Variants in SLC66A2 observed in about 807,000 individuals in gnomAD.
SLC66A2 encodes PQ loop repeat containing 1.
SLC66A2 carries 23 observed loss-of-function variants against 25.5 expected under a neutral mutation model. That is an observed-to-expected ratio of 0.90 (90% CI 0.65 to 1.28). The LOEUF is 1.28. Among genes scored for constraint, SLC66A2 ranks in the 50% most tolerant of loss-of-function variants. The pLI is 0.00. For synonymous variants in SLC66A2, 193 were observed against 166.5 expected (o/e 1.16, Z -1.23); for missense variants, 396 against 373.1 (o/e 1.06, Z -0.51).
chr18:79,919,218 G>C lies in SLC66A2; in HGVS notation c.574C>G (p.Arg192Gly). The change falls in exon 5 of 6, where the codon CGC becomes GGC. Residue 192 changes from arginine to glycine, a missense_variant. Transcript: ENST00000397778. ...EAMLGVPQLY[R>G]NHRHQSTEGM... ...TCCGTGGACTGGTGGCGGTGGTTGC[G>C]GTAAAGCTGGGGCACACCCAGCATG... 6.2e-7 allele frequency: 1 copy of C among 1,613,096 alleles called. No homozygotes were observed. Among genetic ancestry groups the C allele is most frequent in the Non-Finnish European group, 8.5e-7 (1 of 1,180,006 alleles).
Position 79,919,382 on chromosome 18 carries a change from A to G in SLC66A2, c.410T>C (p.Phe137Ser). Residue 137 changes from phenylalanine to serine, a missense_variant, in exon 5 of 6, where the codon TTC becomes TCC. Phe to Ser is a radical substitution (Grantham distance 155). Transcript: ENST00000397778. ...RSFLDFDPHH[F>S]WQWSSFSDYV... ...GTCCGAGAAGCTGCTCCACTGCCAGAAGTGGTGGGGGTCGAAGTCTAGGGC... is the reference window on the plus strand; with the variant it reads ...GTCCGAGAAGCTGCTCCACTGCCAGGAGTGGTGGGGGTCGAAGTCTAGGGC... 6.2e-7 allele frequency: 1 copy of G among 1,613,092 alleles called. No individual in the cohort carries two copies. Among genetic ancestry groups the G allele is most frequent in the Non-Finnish European group, 8.5e-7 (1 of 1,179,988 alleles).
chr18:79,948,994 A>G (rs1196514134), intron 2 of SLC66A2, among the ~76,000 whole-genome samples: 1 of 152,156 alleles, frequency 6.6e-6, no homozygotes, highest in East Asian at 1.9e-4. Flanking sequence ...GGAAAGAAAG[A>G]AGGAGTCTCC....
At chr18:79,949,084 C>T (rs2051028889) in intron 2 of SLC66A2, among the ~76,000 whole-genome samples, 1 of 152,174 alleles carries the variant, frequency 6.6e-6, no homozygotes, top group Non-Finnish European at 1.5e-5. Context: ...ACCCAAAATC[C>T]TCCTCCGAGG....
intron 4 of SLC66A2, among the ~76,000 whole-genome samples, chr18:79,926,651 G>A (rs1985987511): frequency 1.4e-5 from 2 of 140,148 alleles, no homozygotes; most frequent in African/African-American, 5.0e-5. Context: ...TGCAGGGGAG[G>A]AAATTGCTCT....
At position 79,940,148 on chromosome 18, in the gene SLC66A2, C is replaced by T. The variant is rs1987522578; in HGVS notation, c.337+3181G>A. The stretch of plus-strand genomic sequence containing the variant: ...CACGGGAACAGAAGACCAAATGCCG[C>T]ATGTTCTCACGTGTAAGTGGGAGCT... On this transcript the variant is annotated intron_variant, in intron 3 of 5. Transcript: ENST00000397778. This position sits in a 1 kb window ranked among gnomAD's most constrained non-coding sequence, Gnocchi z 4.1. Among the ~76,000 whole-genome samples, 1 of 152,150 alleles carries T rather than the reference C, an allele frequency of 6.6e-6. No individual in the cohort carries two copies. Among genetic ancestry groups the T allele is most frequent in the South Asian group, 2.1e-4 (1 of 4,826 alleles).
At chr18:79,923,231 G>GT in intron 4 of SLC66A2, among the ~76,000 whole-genome samples, 1 of 49,942 alleles carries the variant, frequency 2.0e-5, no homozygotes, top group East Asian at 7.6e-4. Flanking sequence ...GGGGGTGGAT[G>GT]GGGGGGGGCC....
At position 79,927,536 on chromosome 18, in the gene SLC66A2, G is replaced by A. The variant is rs771744177; in HGVS notation, c.391+6433C>T. 1.7e-4 allele frequency among the ~76,000 whole-genome samples: 26 copies of A among 152,202 alleles called. No individual in the cohort carries two copies. Among genetic ancestry groups the A allele is most frequent in the Admixed American group, 9.8e-4 (15 of 15,284 alleles). On this transcript the variant is annotated intron_variant, in intron 4 of 5. Coordinates refer to ENST00000397778, the MANE Select transcript of SLC66A2 (RefSeq NM_025078.5). This position sits in a 1 kb window ranked among gnomAD's most constrained non-coding sequence, Gnocchi z 6.2. Reference sequence around the variant, plus strand: ...AGCCTTCGAGGCCGGCACTGGCCTCGCTGACCCCTCTAATCCTGCCACCTG... The same window carrying A: ...AGCCTTCGAGGCCGGCACTGGCCTCACTGACCCCTCTAATCCTGCCACCTG...
intron 4 of SLC66A2, among the ~76,000 whole-genome samples, chr18:79,926,301 G>C (rs1985938842): frequency 6.6e-6 from 1 of 151,850 alleles, no homozygotes; most frequent in African/African-American, 2.4e-5. Context: ...ATTCTTTCTT[G>C]TGCGAGACCC....
intron 5 of SLC66A2, among the ~76,000 whole-genome samples, chr18:79,913,006 C>A (rs752404098): frequency 6.6e-6 from 1 of 152,206 alleles, no homozygotes; most frequent in Admixed American, 6.5e-5. Flanking sequence ...TGAGGACCCA[C>A]ACAGCCTGCT....
intron 4 of SLC66A2, among the ~76,000 whole-genome samples, chr18:79,929,948 C>T (rs1003611619): frequency 1.8e-4 from 28 of 151,968 alleles, no homozygotes; most frequent in Non-Finnish European, 3.4e-4. Flanking sequence ...AACACAGTCT[C>T]AGAGAAAGGT....
chr18:79,919,033 G>A, intron 5 of SLC66A2, 151 bp downstream of exon 5: 1 of 734,638 alleles, frequency 1.4e-6, no homozygotes, highest in Non-Finnish European at 2.2e-6. Context: ...AGGGGCCAAG[G>A]CCTATAAACC....
rs1463933669 is a variant in SLC66A2, at chr18:79,943,399, C to T, written c.267G>A (p.Leu89=). ...WQSAIMILTM[L]LMLKLCTEVR... is the part of the protein sequence containing the mutation. ...CCTCGGTGCACAGCTTCAGCATCAG[C>T]AGCATGGTCAGGATCATGATGGCGC... Residue 89 remains leucine (L), a synonymous_variant, in exon 3 of 6, where the codon CTG becomes CTA. Transcript: ENST00000397778. 3 of 1,614,098 alleles carry T rather than the reference C, an allele frequency of 1.9e-6. No homozygotes were observed. Among genetic ancestry groups the T allele is most frequent in the African/African-American group, 1.3e-5 (1 of 74,948 alleles).
At chr18:79,915,086 G>A (rs1233822809) in intron 5 of SLC66A2, among the ~76,000 whole-genome samples, 4 of 152,234 alleles carry the variant, frequency 2.6e-5, no homozygotes, top group African/African-American at 4.8e-5. Flanking sequence ...CTCAGGCCAT[G>A]CAGAGGCAAC....
intron 5 of SLC66A2, among the ~76,000 whole-genome samples, chr18:79,909,882 C>A (rs1982758912): frequency 7.3e-6 from 1 of 136,984 alleles, no homozygotes; most frequent in Non-Finnish European, 1.6e-5. Flanking sequence ...GAGTCCCCAA[C>A]CTTCCCCACA....
In SLC66A2 at chr18:79,943,475, C is replaced by T. The variant is rs550536726; in HGVS notation, c.204-13G>A. ...GCGCCTTCCAAACCTGCGGGAGAGA[C>T]ACTGTGTCAGGAGGGAGGTCCACCC... On this transcript the variant is annotated splice_polypyrimidine_tract_variant and intron_variant, in intron 2 of 5. Transcript: ENST00000397778. 317 of 1,612,010 alleles carry T rather than the reference C, an allele frequency of 2.0e-4. 4 individuals are homozygous for T. In the South Asian group the frequency reaches 3.3e-3, roughly 17 times the overall value.
At chr18:79,930,974 T>A (rs1986514922) in intron 4 of SLC66A2, among the ~76,000 whole-genome samples, 1 of 152,224 alleles carries the variant, frequency 6.6e-6, no homozygotes, top group South Asian at 2.1e-4. Flanking sequence ...GGAGTAAGGT[T>A]CCTGTCACTG....
rs934636279 is a variant in SLC66A2 at position 79,937,401 on chromosome 18, C to T, written c.338-3379G>A. Among the ~76,000 whole-genome samples, 1 of 152,234 alleles carries T rather than the reference C, an allele frequency of 6.6e-6. No homozygotes were observed. The highest frequency in any genetic ancestry group is 2.4e-5 in the African/African-American group (1 of 41,452). On this transcript the variant is annotated intron_variant, in intron 3 of 5. Transcript: ENST00000397778. This position sits in a 1 kb window ranked among gnomAD's most constrained non-coding sequence, Gnocchi z 5.4. ...TAACAAGCGTAATAATCCAGTAACA[C>T]ACCAAACGTCCAACTCACATGTTCA...
rs998196123 is a variant in SLC66A2, at chr18:79,904,264, C to G, written c.609-81G>C. On this transcript the variant is annotated intron_variant, in intron 5 of 5. Transcript: ENST00000397778. The surrounding 1 kb of genome is among the most constrained non-coding windows in gnomAD (Gnocchi z 6.3). ...TCAGTGGGGAGGCCTGGGGCTTAGA[C>G]AGCGGGGAGACCTGGGGCTCAGGGG... The G allele has an allele frequency of 4.6e-6, 6 of 1,307,038 alleles. No individual in the cohort carries two copies. The highest frequency in any genetic ancestry group is 1.2e-5 in the South Asian group (1 of 82,342). 81.0% of individuals were successfully genotyped at this position (1,307,038 alleles called of 1,614,324 possible). A position where few individuals can be genotyped will look rare whatever the true frequency, so the allele number is the denominator to read the frequency against.
intron 2 of SLC66A2, chr18:79,949,508 A>T (rs565053949): frequency 9.2e-5 from 14 of 152,376 alleles, no homozygotes; most frequent in African/African-American, 3.4e-4. Context: ...TACTAAAAAT[A>T]CAAAAATTAC....
Sources: gnomAD v4.1 joint callset for allele counts (sites outside exome capture counted in the v4.1 genomes callset) on GRCh38, gnomAD v4.1.1 for gene constraint, Gnocchi (gnomAD v3.1) non-coding constraint, MANE v1.5 for transcripts, NCBI Gene and HGNC (gene_info 2026-07-23, HGNC 2026-07-21) for gene names.